The following GRIA4 variants were observed in gnomAD, a reference collection of about 807,000 sequenced individuals.
The protein encoded by GRIA4 is glutamate ionotropic receptor AMPA type subunit 4.
Under a neutral mutation model 104.0 loss-of-function variants are expected in GRIA4, and 34 were observed. The observed-to-expected ratio is 0.33, with a 90% confidence interval of 0.25 to 0.44. GRIA4 has a LOEUF of 0.44. Among genes scored for constraint, GRIA4 ranks in the 20% least tolerant of loss-of-function variants. The pLI is 1.00. For synonymous variants in GRIA4, 386 were observed against 381.9 expected (o/e 1.01, Z -0.13); for missense variants, 750 against 1,096.5 (o/e 0.68, Z 4.46).
chr11:105,976,449 C>G (rs907201404), intron 16 of GRIA4, among the ~76,000 whole-genome samples: 1 of 148,442 alleles, frequency 6.7e-6, no homozygotes, highest in South Asian at 2.2e-4. Flanking sequence ...ACATGAATTG[C>G]CTTTAGAGGT....
In GRIA4 at chr11:105,981,123, G is replaced by A. The variant is rs1859234331; in HGVS notation, c.*1384G>A. On this transcript the variant is annotated 3_prime_UTR_variant, in exon 17 of 17. Coordinates refer to ENST00000282499, the MANE Select transcript of GRIA4 (RefSeq NM_000829.4). ...TTTGTTTTCAACTGGAAATTGTAAA[G>A]AAAATTATACTCATGTTTATTTATA... 1 of 152,522 alleles carries A rather than the reference G, an allele frequency of 6.6e-6. No individual in the cohort carries two copies. The allele number at this position is 152,522 out of a possible 1,614,324, so 9.4% of individuals were successfully genotyped here.
chr11:105,648,978 C>G (rs1951611391), intron 3 of GRIA4, among the ~76,000 whole-genome samples: 1 of 152,170 alleles, frequency 6.6e-6, no homozygotes, highest in Non-Finnish European at 1.5e-5. Context: ...CAGCTGGGGC[C>G]ATCTGGGTCC....
Position 105,610,842 on chromosome 11 carries a change from C to G in GRIA4, c.-90-66C>G, listed in dbSNP as rs1013641334. ...AATCTTAAACCACCGAAACCTCTTT[C>G]CTTTTTTTTCTTTCTTTTCTTTCTT... On this transcript the variant is annotated intron_variant, in intron 1 of 16. Transcript: ENST00000282499. The G allele has an allele frequency of 1.3e-5, 8 of 603,690 alleles. No homozygotes were observed. The African/African-American group carries it at 1.5e-4, about 11-fold the overall frequency. 37.4% of individuals were successfully genotyped at this position (603,690 alleles called of 1,614,324 possible).
intron 4 of GRIA4, among the ~76,000 whole-genome samples, chr11:105,773,110 C>T (rs1941288713): frequency 6.6e-6 from 1 of 152,118 alleles, no homozygotes; most frequent in South Asian, 2.1e-4. Context: ...CCACCTTCCC[C>T]TACTCCTCCT....
chr11:105,723,278 A>G (rs547180654), intron 3 of GRIA4, among the ~76,000 whole-genome samples: 50 of 152,250 alleles, frequency 3.3e-4, no homozygotes, highest in Non-Finnish European at 5.4e-4. Flanking sequence ...TTAAAACATT[A>G]TTTTATTTAA....
At chr11:105,815,899 T>C (rs1943357236) in intron 4 of GRIA4, among the ~76,000 whole-genome samples, 1 of 152,176 alleles carries the variant, frequency 6.6e-6, no homozygotes, top group African/African-American at 2.4e-5. Flanking sequence ...TATTTATCCA[T>C]TTATTCAGGC....
At chr11:105,971,130 T>C (rs1468409412) in intron 14 of GRIA4, among the ~76,000 whole-genome samples, 1 of 152,164 alleles carries the variant, frequency 6.6e-6, no homozygotes, top group African/African-American at 2.4e-5. Flanking sequence ...GAATATATTA[T>C]AGTCACTTCA....
chr11:105,867,614 AC>A (rs1945470806), intron 5 of GRIA4, among the ~76,000 whole-genome samples: 1 of 152,198 alleles, frequency 6.6e-6, no homozygotes, highest in African/African-American at 2.4e-5. Context: ...TTGAGTCAAT[AC>A]CTAAAAGGAA....
chr11:105,725,268 A>C (rs1938122593), intron 3 of GRIA4, among the ~76,000 whole-genome samples: 1 of 152,180 alleles, frequency 6.6e-6, no homozygotes, highest in Admixed American at 6.5e-5. Context: ...TCAAAAATAA[A>C]TTTATTAAAA....
intron 4 of GRIA4, among the ~76,000 whole-genome samples, chr11:105,781,496 A>G (rs1008223752): frequency 3.3e-5 from 5 of 152,250 alleles, no homozygotes; most frequent in Admixed American, 3.3e-4. Context: ...AGTAAATTGC[A>G]TACCTATTTC....
intron 5 of GRIA4, among the ~76,000 whole-genome samples, chr11:105,872,915 G>T (rs1945669408): frequency 6.6e-6 from 1 of 151,852 alleles, no homozygotes; most frequent in African/African-American, 2.4e-5. Flanking sequence ...GAATATCTTA[G>T]ATTGAACATG....
At chr11:105,752,456 A>G (rs1339320331) in intron 3 of GRIA4, among the ~76,000 whole-genome samples, 6 of 152,228 alleles carry the variant, frequency 3.9e-5, no homozygotes, top group African/African-American at 1.4e-4. Flanking sequence ...GCAAGCAAAT[A>G]AAAAGTAACA....
At chr11:105,756,048 A>G (rs923768892) in intron 4 of GRIA4, among the ~76,000 whole-genome samples, 1 of 152,154 alleles carries the variant, frequency 6.6e-6, no homozygotes, top group Non-Finnish European at 1.5e-5. Flanking sequence ...CCAATTTCTT[A>G]TAATAAATCT....
chr11:105,809,011 T>A (rs182098099), intron 4 of GRIA4, among the ~76,000 whole-genome samples: 137 of 152,240 alleles, frequency 9.0e-4, no homozygotes, highest in Non-Finnish European at 2.1e-4. Flanking sequence ...ATAGTATGAA[T>A]TTTATTTGAT....
chr11:105,943,281 C>A (rs1176145853), intron 14 of GRIA4, among the ~76,000 whole-genome samples: 1 of 152,068 alleles, frequency 6.6e-6, no homozygotes, highest in African/African-American at 2.4e-5. Context: ...GTCTTGTATG[C>A]CTGTAAAAAC....
intron 3 of GRIA4, among the ~76,000 whole-genome samples, chr11:105,644,047 T>C (rs1825305180): frequency 1.3e-5 from 2 of 152,138 alleles, no homozygotes; most frequent in Admixed American, 6.5e-5. Context: ...GAGTTATCAA[T>C]ATGATTGACA....
chr11:105,714,808 T>A (rs541768172), intron 3 of GRIA4, among the ~76,000 whole-genome samples: 2 of 151,428 alleles, frequency 1.3e-5, no homozygotes, highest in Admixed American at 1.3e-4. Context: ...CCCAGAAGAG[T>A]GTGTGTGTGT....
At chr11:105,636,735 G>T (rs192891947) in intron 3 of GRIA4, among the ~76,000 whole-genome samples, 1 of 152,184 alleles carries the variant, frequency 6.6e-6, no homozygotes, top group Non-Finnish European at 1.5e-5. Flanking sequence ...TCCATGAGCT[G>T]TTTGTAAAGG....
chr11:105,856,452 G>A (rs1945010139), intron 4 of GRIA4, among the ~76,000 whole-genome samples: 4 of 151,970 alleles, frequency 2.6e-5, no homozygotes, highest in African/African-American at 2.4e-5. Flanking sequence ...GCTTCTGAAT[G>A]TGACCTGCTA....
Sources: allele counts gnomAD v4.1 joint callset (sites outside exome capture counted in the v4.1 genomes callset), GRCh38; gene constraint gnomAD v4.1.1; transcripts MANE v1.5; gene names NCBI Gene and HGNC (gene_info 2026-07-23, HGNC 2026-07-21).